The following CLVS1 variants were observed in gnomAD, a reference collection of about 807,000 sequenced individuals.
CLVS1 encodes clavesin 1, also known as clavesin-1.
CLVS1 carries 10 observed loss-of-function variants against 33.1 expected under a neutral mutation model. That is an observed-to-expected ratio of 0.30 (90% CI 0.19 to 0.51). The LOEUF (loss-of-function observed/expected upper bound fraction) is 0.51, where lower values mean the gene tolerates loss of function less well. CLVS1 is among the 20% of genes least tolerant of loss of function. The probability of loss-of-function intolerance (pLI) is 0.97; values close to 1 mark genes in which losing one functional copy is unlikely to be tolerated. For synonymous variants in CLVS1, 163 were observed against 166.1 expected (o/e 0.98, Z 0.14); for missense variants, 343 against 433.4 (o/e 0.79, Z 1.85).
intron 2 of CLVS1, among the ~76,000 whole-genome samples, chr8:61,147,567 T>G (rs1239852887): frequency 1.3e-5 from 2 of 152,254 alleles, no homozygotes; most frequent in Non-Finnish European, 2.9e-5. Flanking sequence ...GTTTCTTTTC[T>G]ATCACTTTCT....
At chr8:61,400,407 G>A (rs1424069844) in intron 3 of CLVS1, among the ~76,000 whole-genome samples, 1 of 152,124 alleles carries the variant, frequency 6.6e-6, no homozygotes, top group African/African-American at 2.4e-5. Flanking sequence ...TGGTGAAGTT[G>A]CTTATCAGCT....
At chr8:61,017,005 T>C in the CLVS1 span, among the ~76,000 whole-genome samples, 1 of 152,160 alleles carries the variant, frequency 6.6e-6, no homozygotes, top group East Asian at 1.9e-4. Context: ...GCAAATGAAC[T>C]AATAGCACAA....
chr8:61,488,977 T>A (rs1803972172), intron 5 of CLVS1, among the ~76,000 whole-genome samples: 1 of 152,208 alleles, frequency 6.6e-6, no homozygotes, highest in Non-Finnish European at 1.5e-5. Flanking sequence ...TCAGTGTTGA[T>A]GGATTGCAGT....
chr8:61,400,869 CCAGGGATGAAGCCTACTTG>C (rs1814721235), intron 3 of CLVS1, among the ~76,000 whole-genome samples: 1 of 152,070 alleles, frequency 6.6e-6, no homozygotes, highest in South Asian at 2.1e-4. Context: ...AACCTTCCAT[CCAGGGATGAAGCCTACTTG>C]ATTGTGGTAG....
At chr8:60,980,017 C>T in the CLVS1 span, among the ~76,000 whole-genome samples, 1 of 152,152 alleles carries the variant, frequency 6.6e-6, no homozygotes, top group Non-Finnish European at 1.5e-5. Context: ...GCGTAAGTTC[C>T]TCATTCAACA....
At chr8:61,352,074 T>G (rs1475436221) in intron 2 of CLVS1, among the ~76,000 whole-genome samples, 2 of 152,044 alleles carry the variant, frequency 1.3e-5, no homozygotes, top group African/African-American at 4.8e-5. Context: ...TATTTGATGA[T>G]TGAAACACAA....
Position 61,499,523 on chromosome 8 carries a change from C to T in CLVS1, c.1046C>T (p.Pro349Leu). Residue 349 changes from proline (P) to leucine (L), a missense_variant, in exon 6 of 6, where the codon CCA becomes CTA. This residue lies in a region of CLVS1 where 86 missense variants were observed against 95.0 expected (regional missense o/e 0.91). Coordinates refer to ENST00000325897, the MANE Select transcript of CLVS1 (RefSeq NM_173519.3). Reference sequence around the variant, plus strand: ...AAGGGAGAGAATGAGAACACCCAGCCACTCCTGGCTCTGGACTGAACCCTG... The same window carrying T: ...AAGGGAGAGAATGAGAACACCCAGCTACTCCTGGCTCTGGACTGAACCCTG... ...EEKGENENTQ[P>L]LLALD 6.2e-7 allele frequency: 1 copy of T among 1,613,600 alleles called. No individual in the cohort carries two copies. The highest frequency in any genetic ancestry group is 8.5e-7 in the Non-Finnish European group (1 of 1,179,624).
intron 2 of CLVS1, among the ~76,000 whole-genome samples, chr8:61,225,309 C>T (rs932151951): frequency 2.0e-5 from 3 of 151,874 alleles, no homozygotes; most frequent in Non-Finnish European, 4.4e-5. Flanking sequence ...CTGACTGAGA[C>T]TCTGTCTCAA....
intron 2 of CLVS1, among the ~76,000 whole-genome samples, chr8:61,211,746 A>G (rs1807975009): frequency 1.3e-5 from 2 of 152,208 alleles, no homozygotes; most frequent in African/African-American, 4.8e-5. Flanking sequence ...ATGTGATTCA[A>G]TTATGGATCT....
At chr8:61,433,001 T>A (rs1355800544) in intron 3 of CLVS1, among the ~76,000 whole-genome samples, 3 of 152,216 alleles carry the variant, frequency 2.0e-5, no homozygotes, top group African/African-American at 7.2e-5. Context: ...TCACCCAGGC[T>A]GGAGTGCAGT....
At chr8:61,416,171 A>C (rs994164248) in intron 3 of CLVS1, among the ~76,000 whole-genome samples, 2 of 152,284 alleles carry the variant, frequency 1.3e-5, no homozygotes, top group East Asian at 3.9e-4. Flanking sequence ...TGTTTTGCTT[A>C]ATTTATGGAA....
intron 1 of CLVS1, among the ~76,000 whole-genome samples, chr8:61,125,352 C>T (rs1805949900): frequency 1.3e-5 from 2 of 152,124 alleles, no homozygotes; most frequent in Non-Finnish European, 2.9e-5. Flanking sequence ...GAGAGCAGGA[C>T]AGGTTGTGGG....
chr8:61,303,171 C>T (rs1810497553), intron 2 of CLVS1, among the ~76,000 whole-genome samples: 1 of 152,130 alleles, frequency 6.6e-6, no homozygotes, highest in Non-Finnish European at 1.5e-5. Context: ...AGGTAGAGAA[C>T]ATCAGTAAAT....
At chr8:61,243,825 T>A (rs1360238240) in intron 2 of CLVS1, among the ~76,000 whole-genome samples, 1 of 152,224 alleles carries the variant, frequency 6.6e-6, no homozygotes, top group Non-Finnish European at 1.5e-5. Context: ...TTCATTAATA[T>A]CTGCTCTTTC....
chr8:61,235,009 A>C (rs1021662720), intron 2 of CLVS1, among the ~76,000 whole-genome samples: 4 of 152,154 alleles, frequency 2.6e-5, no homozygotes, highest in African/African-American at 9.7e-5. Flanking sequence ...AAGTGAGATG[A>C]GTGATGCTTT....
At chr8:61,234,143 C>T (rs751565863) in intron 2 of CLVS1, among the ~76,000 whole-genome samples, 30 of 151,978 alleles carry the variant, frequency 2.0e-4, no homozygotes, top group Non-Finnish European at 3.5e-4. Context: ...CCTGGAGGCC[C>T]ACCACAGACC....
chr8:61,159,276 G>GTTC (rs1416612099), intron 2 of CLVS1, among the ~76,000 whole-genome samples: 1 of 152,204 alleles, frequency 6.6e-6, no homozygotes, highest in African/African-American at 2.4e-5. Flanking sequence ...TTGAATGCAT[G>GTTC]TTCTTCTGGA....
intron 2 of CLVS1, among the ~76,000 whole-genome samples, chr8:61,279,741 A>G (rs1809632483): frequency 6.6e-6 from 1 of 152,250 alleles, no homozygotes; most frequent in African/African-American, 2.4e-5. Context: ...TTGGCTTAAT[A>G]ATTATTTATG....
rs1807879231 is a variant in CLVS1, at chr8:61,207,455, C to G, written c.-152+75595C>G. On this transcript the variant is annotated intron_variant, in intron 2 of 2. Coordinates refer to the CLVS1 transcript ENST00000522621. ...GCTCAAGTGAAGTGCAGAGGTGACC[C>G]CAGCATCCTAATTCACAGACTCTTT... 3.0e-5 allele frequency among the ~76,000 whole-genome samples: 4 copies of G among 133,110 alleles called. No individual in the cohort carries two copies. In the South Asian group the frequency reaches 7.3e-4, roughly 24 times the overall value. The allele number at this position is 133,110 out of a possible 152,430, so 87.3% of individuals were successfully genotyped here.
Sources: gnomAD v4.1 joint callset for allele counts (sites outside exome capture counted in the v4.1 genomes callset) on GRCh38, gnomAD v4.1.1 for gene constraint, gnomAD v4.1.1 regional missense constraint, MANE v1.5 for transcripts, NCBI Gene and HGNC (gene_info 2026-07-23, HGNC 2026-07-21) for gene names.